The following PRDM16 variants were observed in gnomAD, a reference collection of about 807,000 sequenced individuals.
PRDM16 encodes PR/SET domain 16.
In PRDM16, 23 loss-of-function variants were observed where a neutral mutation model predicts 110.6. The ratio of observed to expected loss-of-function variants is 0.21; its 90% confidence interval spans 0.15 to 0.29. The LOEUF (loss-of-function observed/expected upper bound fraction) is 0.29. Among genes scored for constraint, PRDM16 ranks in the 10% least tolerant of loss-of-function variants. The probability of loss-of-function intolerance (pLI) is 1.00; values close to 1 mark genes in which losing one functional copy is unlikely to be tolerated. For synonymous variants in PRDM16, 799 were observed against 781.8 expected (o/e 1.02, Z -0.37); for missense variants, 1,615 against 1,794.3 (o/e 0.90, Z 1.81).
intron 2 of PRDM16, among the ~76,000 whole-genome samples, chr1:3,242,123 G>T (rs928473395): frequency 6.6e-6 from 1 of 152,210 alleles, no homozygotes; most frequent in Non-Finnish European, 1.5e-5. Context: ...CCAGCGCCAG[G>T]CCCCTGTGGG....
intron 3 of PRDM16, chr1:3,306,743 G>T (rs1641323667): frequency 6.6e-6 from 1 of 152,202 alleles, no homozygotes; most frequent in African/African-American, 2.4e-5. Context: ...TTCAGCCACA[G>T]ACTTGTGCAA....
At chr1:3,205,068 T>C (rs1638723613) in intron 2 of PRDM16, among the ~76,000 whole-genome samples, 2 of 150,202 alleles carry the variant, frequency 1.3e-5, no homozygotes, top group Admixed American at 1.3e-4. Flanking sequence ...TCACTGCCCG[T>C]GAAAGGCTCC....
intron 3 of PRDM16, among the ~76,000 whole-genome samples, chr1:3,260,427 C>G (rs1640133330): frequency 6.6e-6 from 1 of 152,184 alleles, no homozygotes; most frequent in Admixed American, 6.5e-5. Flanking sequence ...CTCCTTTATC[C>G]TACTGACACC....
Position 3,437,155 on chromosome 1 carries a change from G to C in PRDM16, c.*3344G>C, listed in dbSNP as rs1638930019. ...GCCCTGGGGTGTGGAGCAGTGGCTGGGGTGGGCGTGGTGTGGCCTGAGAGA... is the reference window on the plus strand; with the variant it reads ...GCCCTGGGGTGTGGAGCAGTGGCTGCGGTGGGCGTGGTGTGGCCTGAGAGA... On this transcript the variant is annotated 3_prime_UTR_variant, in exon 17 of 17. Transcript: ENST00000270722. 4.3e-6 allele frequency: 1 copy of C among 231,836 alleles called. No individual in the cohort carries two copies. Among genetic ancestry groups the C allele is most frequent in the East Asian group, 6.1e-5 (1 of 16,404 alleles). 14.4% of individuals were successfully genotyped at this position (231,836 alleles called of 1,614,324 possible).
At chr1:3,340,828 T>TA (rs1208102773) in intron 3 of PRDM16, among the ~76,000 whole-genome samples, 1 of 151,946 alleles carries the variant, frequency 6.6e-6, no homozygotes, top group Non-Finnish European at 1.5e-5. Context: ...AGTCATGGGG[T>TA]GGCTGAAGGC....
At chr1:3,186,949 G>A (rs1161562619) in intron 2 of PRDM16, among the ~76,000 whole-genome samples, 6 of 152,242 alleles carry the variant, frequency 3.9e-5, no homozygotes, top group Non-Finnish European at 7.3e-5. Flanking sequence ...AGTGGCCTAA[G>A]AGCAGCCTCA....
chr1:3,338,969 A>T (rs1408127370), intron 3 of PRDM16, among the ~76,000 whole-genome samples: 1 of 152,190 alleles, frequency 6.6e-6, no homozygotes, highest in Non-Finnish European at 1.5e-5. Flanking sequence ...AAGCAGGAAG[A>T]AGCCCGTTGT....
chr1:3,176,298 C>CCACCCAT (rs1644088519), intron 1 of PRDM16, among the ~76,000 whole-genome samples: 1 of 139,782 alleles, frequency 7.2e-6, no homozygotes, highest in African/African-American at 2.7e-5. Flanking sequence ...ATCTATCCAT[C>CCACCCAT]TGTCCATACA....
In PRDM16 at chr1:3,188,393, C is replaced by T. The variant is rs532944599; in HGVS notation, c.387+1919C>T. 4.6e-5 allele frequency among the ~76,000 whole-genome samples: 7 copies of T among 152,268 alleles called. No homozygotes were observed. In the East Asian group the frequency reaches 9.7e-4, roughly 21 times the overall value. On this transcript the variant is annotated intron_variant, in intron 2 of 16. Transcript: ENST00000270722. The stretch of plus-strand genomic sequence containing the variant: ...TTGCTTTTTTTTTAAAGAAATGGCC[C>T]GTATCACCATGTCCGCGTGGTGCCA...
intron 2 of PRDM16, among the ~76,000 whole-genome samples, chr1:3,197,438 C>A (rs953022947): frequency 3.3e-5 from 5 of 152,216 alleles, no homozygotes; most frequent in Admixed American, 6.5e-5. Flanking sequence ...GAGGAGCGTG[C>A]CCCATGAGCC....
rs1212486195 is a variant in PRDM16, at chr1:3,157,389, GC to G, written c.38-28731del. Reference sequence around the variant, plus strand: ...TTTACAGCATTTGATCTGGGGACCTGCCCCCAGGCTCCCAGGCCTTTTGCGA... The same window carrying G: ...TTTACAGCATTTGATCTGGGGACCTGCCCCAGGCTCCCAGGCCTTTTGCGA... On this transcript the variant is annotated intron_variant, in intron 1 of 16. Transcript: ENST00000270722. The surrounding 1 kb of genome is among the most constrained non-coding windows in gnomAD (Gnocchi z 4.8). Among the ~76,000 whole-genome samples the G allele has an allele frequency of 1.4e-5, 2 of 144,378 alleles. No individual in the cohort carries two copies. The highest frequency in any genetic ancestry group is 5.3e-5 in the African/African-American group (2 of 37,876). 94.7% of individuals were successfully genotyped at this position (144,378 alleles called of 152,430 possible).
chr1:3,199,227 G>A (rs1003355403), intron 2 of PRDM16, among the ~76,000 whole-genome samples: 6 of 152,148 alleles, frequency 3.9e-5, no homozygotes, highest in Non-Finnish European at 5.9e-5. Context: ...ATGGGGTGCC[G>A]CCGAGGAGCT....
rs1045685662 is a variant in PRDM16 at position 3,206,873 on chromosome 1, G to A, written c.387+20399G>A. On this transcript the variant is annotated intron_variant, in intron 2 of 16. Transcript: ENST00000270722. This position sits in a 1 kb window ranked among gnomAD's most constrained non-coding sequence, Gnocchi z 4.9. ...TGACACCTGGGACCTGTGCAGCTGGGTGGAGTAGAAAGGGATGAAAGGAGG... is the reference window on the plus strand; with the variant it reads ...TGACACCTGGGACCTGTGCAGCTGGATGGAGTAGAAAGGGATGAAAGGAGG... 1 of 152,620 alleles carries A rather than the reference G, an allele frequency of 6.6e-6. No individual in the cohort carries two copies. The highest frequency in any genetic ancestry group is 1.5e-5 in the Non-Finnish European group (1 of 68,234). 9.5% of individuals were successfully genotyped at this position (152,620 alleles called of 1,614,324 possible). A position where few individuals can be genotyped will look rare whatever the true frequency, so the allele number is the denominator to read the frequency against.
At chr1:3,433,151 C>T (rs1429490906) in intron 16 of PRDM16, among the ~76,000 whole-genome samples, 4 of 152,186 alleles carry the variant, frequency 2.6e-5, no homozygotes, top group Non-Finnish European at 5.9e-5. Flanking sequence ...GAGGAGGCTT[C>T]GAGGGGGAGC....
At position 3,143,538 on chromosome 1, in the gene PRDM16, C is replaced by T. The variant is rs1010794040; in HGVS notation, c.38-42587C>T. Among the ~76,000 whole-genome samples, 5 of 152,128 alleles carry T rather than the reference C, an allele frequency of 3.3e-5. No homozygotes were observed. The highest frequency in any genetic ancestry group is 7.2e-5 in the African/African-American group (3 of 41,412). On this transcript the variant is annotated intron_variant, in intron 1 of 16. Coordinates refer to ENST00000270722, the MANE Select transcript of PRDM16 (RefSeq NM_022114.4). The surrounding 1 kb of genome is among the most constrained non-coding windows in gnomAD (Gnocchi z 4.5). ...TGTCACCCAGGCTGGAGTGCACTGG[C>T]GCAATCTCCGCTCACTGCAGTCTCT...
intron 3 of PRDM16, among the ~76,000 whole-genome samples, chr1:3,367,021 A>G (rs1437704929): frequency 6.6e-6 from 1 of 152,162 alleles, no homozygotes; most frequent in Non-Finnish European, 1.5e-5. Context: ...TAATCCCATC[A>G]CTCTGGGAGG....
chr1:3,300,358 G>A (rs571475087), intron 3 of PRDM16, among the ~76,000 whole-genome samples: 1 of 126,930 alleles, frequency 7.9e-6, no homozygotes, highest in African/African-American at 2.9e-5. Flanking sequence ...GATCCCAGTC[G>A]TGGTGACTCT....
In PRDM16 at chr1:3,186,227, C is replaced by T. The variant is rs1383557016; in HGVS notation, c.140C>T (p.Pro47Leu). The change falls in exon 2 of 17, where the codon CCC becomes CTC. Residue 47 changes from proline (P) to leucine (L), a missense_variant. Physicochemically the swap from Pro to Leu is moderately conservative, Grantham distance 98. Coordinates refer to ENST00000270722, the MANE Select transcript of PRDM16 (RefSeq NM_022114.4). ...GAGGACAGTGCCATGTCGCCCATCC[C>T]CGTGGGGCCACCGTCCCCCTTCCCC... ...EAEDSAMSPI[P>L]VGPPSPFPTS... 1.2e-6 allele frequency: 2 copies of T among 1,612,660 alleles called. No homozygotes were observed. The highest frequency in any genetic ancestry group is 2.2e-5 in the South Asian group (2 of 91,062).
At chr1:3,156,325 T>A (rs1053049815) in intron 1 of PRDM16, among the ~76,000 whole-genome samples, 3 of 152,132 alleles carry the variant, frequency 2.0e-5, no homozygotes, top group African/African-American at 7.2e-5. Flanking sequence ...TAGGTGACTT[T>A]GGGGGAAATG....
Sources: gnomAD v4.1 joint callset for allele counts (sites outside exome capture counted in the v4.1 genomes callset) on GRCh38, gnomAD v4.1.1 for gene constraint, Gnocchi (gnomAD v3.1) non-coding constraint, MANE v1.5 for transcripts, NCBI Gene and HGNC (gene_info 2026-07-23, HGNC 2026-07-21) for gene names.